The following MECOM variants were observed in gnomAD, a reference collection of about 807,000 sequenced individuals.
The protein encoded by MECOM is histone-lysine N-methyltransferase MECOM.
In MECOM, 13 loss-of-function variants were observed where a neutral mutation model predicts 116.3. That is an observed-to-expected ratio of 0.11 (90% CI 0.07 to 0.18). The LOEUF is 0.18. Ranked by LOEUF, MECOM falls within the 10% of genes least tolerant of loss-of-function variation. The pLI, the probability that MECOM is intolerant of heterozygous loss-of-function variation, is 1.00. For synonymous variants in MECOM, 528 were observed against 535.2 expected (o/e 0.99, Z 0.19); for missense variants, 1,299 against 1,509.0 (o/e 0.86, Z 2.31).
At chr3:169,586,660 C>A (rs1297737402) in intron 1 of MECOM, among the ~76,000 whole-genome samples, 2 of 152,190 alleles carry the variant, frequency 1.3e-5, no homozygotes, top group African/African-American at 4.8e-5. Context: ...TTTGTAACAT[C>A]CCCTAGGAAT....
In MECOM at chr3:169,239,075, T is replaced by G. The variant is rs949142147; in HGVS notation, c.376-95243A>C. ...ATGGGTTCCAAAATACTTAAAGATA[T>G]GTTACATGTGAACTGCTATAAAAGT... On this transcript the variant is annotated intron_variant, in intron 2 of 16. Transcript: ENST00000651503. Among the ~76,000 whole-genome samples, 3 of 152,166 alleles carry G rather than the reference T, an allele frequency of 2.0e-5. No homozygotes were observed. In the East Asian group the frequency reaches 5.8e-4, roughly 29 times the overall value.
intron 1 of MECOM, among the ~76,000 whole-genome samples, chr3:169,428,801 G>A (rs1325666175): frequency 6.6e-6 from 1 of 152,106 alleles, no homozygotes; most frequent in Non-Finnish European, 1.5e-5. Flanking sequence ...TGTGGTAAAA[G>A]GGATTGGAAT....
At chr3:169,559,478 G>T (rs150517902) in intron 1 of MECOM, among the ~76,000 whole-genome samples, 4 of 152,114 alleles carry the variant, frequency 2.6e-5, no homozygotes, top group African/African-American at 9.7e-5. Flanking sequence ...TCTACTATAC[G>T]TCTGTAAACT....
intron 10 of MECOM, among the ~76,000 whole-genome samples, chr3:169,106,301 T>C (rs138783865): frequency 6.6e-6 from 1 of 152,250 alleles, no homozygotes; most frequent in Non-Finnish European, 1.5e-5. Flanking sequence ...CTTAGTTTTT[T>C]CTTTATTTTT....
chr3:169,257,575 C>G (rs553650875), intron 2 of MECOM, among the ~76,000 whole-genome samples: 1 of 152,260 alleles, frequency 6.6e-6, no homozygotes, highest in Admixed American at 6.5e-5. Flanking sequence ...AGAAAATCCC[C>G]AAATTCTGTG....
intron 1 of MECOM, among the ~76,000 whole-genome samples, chr3:169,398,707 G>A (rs1348416610): frequency 3.3e-5 from 5 of 152,196 alleles, no homozygotes; most frequent in East Asian, 3.9e-4. Context: ...TCTGAGAGCT[G>A]TAGAGAGAGC....
At position 169,378,487 on chromosome 3, in the gene MECOM, G is replaced by GAGAA. The variant is rs1208249727; in HGVS notation, c.375+2696_375+2699dup. Among the ~76,000 whole-genome samples, 49 of 29,954 alleles carry GAGAA rather than the reference G, an allele frequency of 1.6e-3. 10 individuals are homozygous for GAGAA. The highest frequency in any genetic ancestry group is 0.016 in the Middle Eastern group (1 of 62). The allele number at this position is 29,954 out of a possible 152,430, so 19.7% of individuals were successfully genotyped here. On this transcript the variant is annotated intron_variant, in intron 2 of 16. Coordinates refer to ENST00000651503, the MANE Select transcript of MECOM (RefSeq NM_004991.4). ...CAAGCAAGCAAGCAAGAAAGAGAGA[G>GAGAA]AGAAAGAAAGAAAGAAAGAAAGAAA...
At chr3:169,103,945 TTGCAACG>T (rs1160569831) in intron 10 of MECOM, among the ~76,000 whole-genome samples, 3 of 152,134 alleles carry the variant, frequency 2.0e-5, no homozygotes, top group African/African-American at 7.2e-5. Flanking sequence ...TAGCTACAAA[TTGCAACG>T]TACAGGGTAC....
chr3:169,466,214 T>G (rs187900041), intron 1 of MECOM, among the ~76,000 whole-genome samples: 1 of 152,324 alleles, frequency 6.6e-6, no homozygotes, highest in East Asian at 1.9e-4. Context: ...GATATGCATA[T>G]GCCAAATGGA....
At chr3:169,483,344 T>TA (rs1225449881) in intron 1 of MECOM, among the ~76,000 whole-genome samples, 2 of 150,940 alleles carry the variant, frequency 1.3e-5, no homozygotes, top group Non-Finnish European at 2.9e-5. Flanking sequence ...AAGCAACAGA[T>TA]ACAACTGACA....
chr3:169,389,144 G>A (rs1054246481), intron 1 of MECOM, among the ~76,000 whole-genome samples: 8 of 152,182 alleles, frequency 5.3e-5, no homozygotes, highest in Non-Finnish European at 1.0e-4. Flanking sequence ...AAATAAATAT[G>A]ATTTGGGAAT....
chr3:169,400,575 T>A (rs1362583709), intron 1 of MECOM, among the ~76,000 whole-genome samples: 2 of 152,206 alleles, frequency 1.3e-5, no homozygotes, highest in Non-Finnish European at 2.9e-5. Flanking sequence ...AGCCAGTATG[T>A]TTCTGTGATG....
At chr3:169,151,409 TCA>T (rs564232614) in intron 2 of MECOM, among the ~76,000 whole-genome samples, 70 of 152,364 alleles carry the variant, frequency 4.6e-4, no homozygotes, top group African/African-American at 1.6e-3. Flanking sequence ...CTTTATAACC[TCA>T]GTCTAAATTC....
intron 1 of MECOM, among the ~76,000 whole-genome samples, chr3:169,459,696 T>C (rs931760019): frequency 6.6e-6 from 1 of 152,170 alleles, no homozygotes; most frequent in African/African-American, 2.4e-5. Flanking sequence ...TGTCCCCTGC[T>C]CCAAATCCTA....
chr3:169,581,494 C>T (rs1238421106), intron 1 of MECOM, among the ~76,000 whole-genome samples: 2 of 151,852 alleles, frequency 1.3e-5, no homozygotes, highest in East Asian at 3.9e-4. Flanking sequence ...TTTGGAGAAA[C>T]CCCTAATTGC....
intron 3 of MECOM, chr3:169,133,887 G>T: frequency 7.8e-7 from 1 of 1,277,580 alleles, no homozygotes. Context: ...GAAAACAATG[G>T]ACTTCTCTCA....
chr3:169,168,246 G>A lies in MECOM; in HGVS notation c.376-24414C>T, dbSNP rs138876052. Among the ~76,000 whole-genome samples the A allele has an allele frequency of 8.3e-4, 124 of 150,206 alleles. 2 individuals are homozygous for A. The highest frequency in any genetic ancestry group is 2.6e-3 in the African/African-American group (107 of 41,036). ...TATTTGTTTTTAGAGACAGGGTCTCGCTTAGTTGCTCAGGCTGGACTCAAG... is the reference window on the plus strand; with the variant it reads ...TATTTGTTTTTAGAGACAGGGTCTCACTTAGTTGCTCAGGCTGGACTCAAG... On this transcript the variant is annotated intron_variant, in intron 2 of 16. Coordinates refer to ENST00000651503, the MANE Select transcript of MECOM (RefSeq NM_004991.4).
At chr3:169,165,891 A>G (rs1198694337) in intron 2 of MECOM, among the ~76,000 whole-genome samples, 3 of 152,152 alleles carry the variant, frequency 2.0e-5, no homozygotes, top group Non-Finnish European at 4.4e-5. Context: ...TTCAAAACAT[A>G]GCTAAGTAAA....
chr3:169,235,170 A>G (rs1363927513), intron 2 of MECOM, among the ~76,000 whole-genome samples: 1 of 152,222 alleles, frequency 6.6e-6, no homozygotes, highest in Non-Finnish European at 1.5e-5. Flanking sequence ...TTCTATTATC[A>G]TCAATGTGAT....
Sources: gnomAD v4.1 joint callset for allele counts (sites outside exome capture counted in the v4.1 genomes callset) on GRCh38, gnomAD v4.1.1 for gene constraint, MANE v1.5 for transcripts, NCBI Gene and HGNC (gene_info 2026-07-23, HGNC 2026-07-21) for gene names.